CDH8: variants seen among roughly 807,000 people sequenced by gnomAD.
The protein encoded by CDH8 is cadherin-8.
CDH8 carries 17 observed loss-of-function variants against 68.1 expected under a neutral mutation model. The ratio of observed to expected loss-of-function variants is 0.25; its 90% CI spans 0.17 to 0.37. The LOEUF (loss-of-function observed/expected upper bound fraction) is 0.37. CDH8 is among the 10% of genes least tolerant of loss of function. The pLI is 1.00. For synonymous variants in CDH8, 372 were observed against 365.1 expected, an observed-to-expected ratio of 1.02 and a Z score of -0.21; for missense variants, 763 against 999.3, an observed-to-expected ratio of 0.76 and a Z score of 3.19.
chr16:61,790,060 T>A (rs1596970263), intron 7 of CDH8, among the ~76,000 whole-genome samples: 2 of 152,202 alleles, frequency 1.3e-5, no homozygotes, highest in African/African-American at 4.8e-5. Context: ...GTTGTTGATT[T>A]TATGGTTGTT....
intron 5 of CDH8, among the ~76,000 whole-genome samples, chr16:61,822,827 G>T (rs1198580510): frequency 6.6e-6 from 1 of 151,884 alleles, no homozygotes; most frequent in Non-Finnish European, 1.5e-5. Flanking sequence ...CGTGCTGCTA[G>T]TCCTACATGG....
In CDH8 at chr16:61,825,652, T is replaced by C. The variant is rs1962315618; in HGVS notation, c.668-473A>G. Among the ~76,000 whole-genome samples the C allele has an allele frequency of 3.3e-5, 5 of 151,944 alleles. No homozygotes were observed. The South Asian group carries it at 1.0e-3, about 32-fold the overall frequency. ...AGATACATTTGAGAGATGAAATAAA[T>C]AAATGTGTCATTAGAATCAACTCAG... On this transcript the variant is annotated intron_variant, in intron 4 of 11. Transcript: ENST00000577390.
At chr16:61,676,744 G>C (rs552332885) in intron 10 of CDH8, among the ~76,000 whole-genome samples, 1 of 152,084 alleles carries the variant, frequency 6.6e-6, no homozygotes, top group South Asian at 2.1e-4. Context: ...AGCTTAGAAA[G>C]AAACACATAA....
intron 9 of CDH8, among the ~76,000 whole-genome samples, chr16:61,719,206 C>G (rs1438575265): frequency 1.3e-5 from 2 of 148,920 alleles, no homozygotes; most frequent in Non-Finnish European, 3.0e-5. Context: ...GCTTGCAGTT[C>G]TGACATACAG....
chr16:61,659,638 G>A (rs1191276101), intron 10 of CDH8, among the ~76,000 whole-genome samples: 2 of 152,020 alleles, frequency 1.3e-5, no homozygotes, highest in African/African-American at 2.4e-5. Context: ...CGTACACTGG[G>A]AGAGGCAAGC....
intron 9 of CDH8, among the ~76,000 whole-genome samples, chr16:61,716,350 A>C (rs1193324571): frequency 6.6e-6 from 1 of 151,702 alleles, no homozygotes. Flanking sequence ...AAGAAGCATA[A>C]CTACCTGCCA....
At chr16:61,680,719 T>A (rs1963997166) in intron 10 of CDH8, among the ~76,000 whole-genome samples, 1 of 151,950 alleles carries the variant, frequency 6.6e-6, no homozygotes, top group Non-Finnish European at 1.5e-5. Context: ...TCATCTGTTT[T>A]CTGCCACTAT....
chr16:61,799,555 G>A (rs1159359277), intron 7 of CDH8, among the ~76,000 whole-genome samples: 1 of 151,992 alleles, frequency 6.6e-6, no homozygotes, highest in African/African-American at 2.4e-5. Context: ...CCGTCATAAA[G>A]TTAGTAAGAG....
Position 61,689,723 on chromosome 16 carries a change from G to C in CDH8, c.1654+24118C>G, listed in dbSNP as rs543529354. Among the ~76,000 whole-genome samples the C allele has an allele frequency of 2.6e-5, 4 of 152,038 alleles. No individual in the cohort carries two copies. The East Asian group carries it at 7.8e-4, about 29-fold the overall frequency. On this transcript the variant is annotated intron_variant, in intron 10 of 11. Coordinates refer to ENST00000577390, the MANE Select transcript of CDH8 (RefSeq NM_001796.5). ...ATTGCAGAATCTTTATTTTTCTTCA[G>C]TGATGATAAGAATAGCCAGATATTT...
chr16:61,846,092 A>T (rs983502096), intron 4 of CDH8, among the ~76,000 whole-genome samples: 2 of 152,158 alleles, frequency 1.3e-5, no homozygotes, highest in Admixed American at 1.3e-4. Flanking sequence ...TATGCTTTGC[A>T]AATGACTCCA....
chr16:61,775,796 A>G (rs1960886013), intron 8 of CDH8, among the ~76,000 whole-genome samples: 1 of 152,108 alleles, frequency 6.6e-6, no homozygotes, highest in African/African-American at 2.4e-5. Flanking sequence ...ATGGTCCCAT[A>G]TAAGCCATCA....
intron 3 of CDH8, among the ~76,000 whole-genome samples, chr16:61,890,848 T>C (rs1261059457): frequency 3.3e-5 from 5 of 152,216 alleles, no homozygotes; most frequent in African/African-American, 1.2e-4. Flanking sequence ...CTACTTGAAA[T>C]TCCTAAGTCC....
At chr16:61,755,182 G>A (rs2142956054) in intron 8 of CDH8, among the ~76,000 whole-genome samples, 1 of 152,290 alleles carries the variant, frequency 6.6e-6, no homozygotes, top group Admixed American at 6.5e-5. Context: ...GTAAATTCAG[G>A]CCCAGTGAAG....
chr16:61,801,705 G>C (rs558948120), intron 7 of CDH8, among the ~76,000 whole-genome samples: 4 of 152,148 alleles, frequency 2.6e-5, no homozygotes, highest in African/African-American at 9.7e-5. Flanking sequence ...AAGGGGTGAC[G>C]GACGCACCTG....
At chr16:61,782,369 C>A (rs1336805198) in intron 8 of CDH8, among the ~76,000 whole-genome samples, 1 of 152,090 alleles carries the variant, frequency 6.6e-6, no homozygotes, top group Non-Finnish European at 1.5e-5. Flanking sequence ...CCGAATATTG[C>A]GCTTTTCAGA....
intron 7 of CDH8, among the ~76,000 whole-genome samples, chr16:61,813,445 A>G (rs2142999431): frequency 6.6e-6 from 1 of 152,278 alleles, no homozygotes; most frequent in South Asian, 2.1e-4. Context: ...AGCTGATAAA[A>G]GGCCCTTGGA....
At chr16:61,949,490 T>C (rs187709646) in intron 2 of CDH8, among the ~76,000 whole-genome samples, 123 of 152,116 alleles carry the variant, frequency 8.1e-4, no homozygotes, top group African/African-American at 2.9e-3. Flanking sequence ...GAAGCTTTGT[T>C]CTTTCACTCT....
intron 9 of CDH8, among the ~76,000 whole-genome samples, chr16:61,716,201 T>A (rs945087740): frequency 6.6e-6 from 1 of 151,650 alleles, no homozygotes; most frequent in Admixed American, 6.6e-5. Context: ...GCTCCCATAA[T>A]TAATACCATT....
intron 2 of CDH8, among the ~76,000 whole-genome samples, chr16:61,996,504 A>G (rs58790283): frequency 4.1e-4 from 63 of 152,338 alleles, no homozygotes; most frequent in African/African-American, 1.4e-3. Flanking sequence ...TTGAGAATAT[A>G]TGTAATCGTA....
Sources: allele counts gnomAD v4.1 joint callset (sites outside exome capture counted in the v4.1 genomes callset), GRCh38; gene constraint gnomAD v4.1.1; transcripts MANE v1.5; gene names NCBI Gene and HGNC (gene_info 2026-07-23, HGNC 2026-07-21).